The following ATP7A variants were observed in gnomAD, a reference collection of about 807,000 sequenced individuals.
The protein encoded by ATP7A is ATPase copper transporting alpha, also known as copper-transporting ATPase 1.
ATP7A carries 7 observed loss-of-function variants against 83.5 expected under a neutral mutation model. That is an observed-to-expected ratio of 0.08 (90% CI 0.05 to 0.16). ATP7A has a LOEUF of 0.16. Among genes scored for constraint, ATP7A ranks in the 10% least tolerant of loss-of-function variants. The pLI, the probability that ATP7A is intolerant of heterozygous loss-of-function variation, is 1.00. For missense variants in ATP7A, 940 were observed against 1,120.8 expected, an observed-to-expected ratio of 0.84 and a Z score of 2.30; for synonymous variants, 354 against 395.2, an observed-to-expected ratio of 0.90 and a Z score of 1.24.
At chrX:77,951,720 C>T (rs1569549091) in intron 1 of ATP7A, among the ~76,000 whole-genome samples, 1 of 110,921 alleles carries the variant, frequency 9.0e-6, no homozygotes, top group African/African-American at 3.3e-5. Context: ...GCTTGGACTA[C>T]AAGCATGCAC....
intron 15 of ATP7A, among the ~76,000 whole-genome samples, chrX:78,030,840 C>T (rs931442316): frequency 6.4e-5 from 7 of 109,068 alleles, no homozygotes; most frequent in Non-Finnish European, 1.3e-4. Flanking sequence ...TACAGGCATG[C>T]ACCACCATGC....
intron 1 of ATP7A, among the ~76,000 whole-genome samples, chrX:77,942,136 A>G (rs1240733490): frequency 1.8e-5 from 2 of 112,362 alleles, no homozygotes; most frequent in African/African-American, 3.2e-5. Context: ...ATTTTGCCCA[A>G]TGCAGATTGA....
intron 1 of ATP7A, among the ~76,000 whole-genome samples, chrX:77,935,478 T>C (rs1603372507): frequency 8.9e-6 from 1 of 112,060 alleles, no homozygotes. Context: ...AACTATTTTA[T>C]TGATGAAGTG....
intron 1 of ATP7A, among the ~76,000 whole-genome samples, chrX:77,922,638 GTTTA>G (rs1410739132): frequency 9.0e-6 from 1 of 111,482 alleles, no homozygotes; most frequent in Non-Finnish European, 1.9e-5. Context: ...CCAATTGGTT[GTTTA>G]TTTTTTATAT....
intron 1 of ATP7A, among the ~76,000 whole-genome samples, chrX:77,944,754 T>C (rs1003936030): frequency 1.4e-4 from 16 of 111,060 alleles, no homozygotes; most frequent in African/African-American, 4.6e-4. Context: ...GGCTCAAGTC[T>C]GCCAGTGAAA....
Position 78,046,311 on chromosome X carries a change from A to G in ATP7A, c.4244A>G (p.Tyr1415Cys), listed in dbSNP as rs1280037924. ...ATGTCCAGTTACAGGAAACCAACTT[A>G]CGAGAGTTATGAACTGCCTGCCCGG... ...LFLKLYRKPT[Y>C]ESYELPARSQ... The change falls in exon 23 of 23, where the codon TAC becomes TGC. Residue 1415 changes from tyrosine (Y) to cysteine (C), a missense_variant. Coordinates refer to ENST00000341514, the MANE Select transcript of ATP7A (RefSeq NM_000052.7). 3.4e-5 allele frequency: 41 copies of G among 1,210,317 alleles called. No homozygotes were observed. Among genetic ancestry groups the G allele is most frequent in the Non-Finnish European group, 4.6e-5 (41 of 895,264 alleles).
chrX:77,963,445 G>A (rs782661376), intron 1 of ATP7A: 60 of 111,935 alleles, frequency 5.4e-4, no homozygotes, highest in African/African-American at 1.8e-3. Context: ...TTTTCTTCCT[G>A]TATTTAGCAG....
intron 1 of ATP7A, chrX:77,964,557 A>T (rs1452980554): frequency 9.1e-6 from 1 of 110,336 alleles, no homozygotes; most frequent in Non-Finnish European, 1.9e-5. Context: ...TCCTAATGTT[A>T]TCCCTCGCCT....
chrX:77,982,684 G>C (rs2077611562), intron 2 of ATP7A, among the ~76,000 whole-genome samples: 1 of 112,152 alleles, frequency 8.9e-6, no homozygotes. Context: ...GGAAATTGTA[G>C]ATTATTTAGC....
At chrX:77,993,937 A>C (rs1366979089) in intron 4 of ATP7A, among the ~76,000 whole-genome samples, 1 of 111,274 alleles carries the variant, frequency 9.0e-6, no homozygotes, top group East Asian at 2.8e-4. Flanking sequence ...AAGCCATATA[A>C]ATTTATTTGA....
intron 17 of ATP7A, among the ~76,000 whole-genome samples, chrX:78,037,843 C>T (rs972638537): frequency 1.0e-4 from 11 of 109,093 alleles, no homozygotes; most frequent in East Asian, 2.9e-4. Flanking sequence ...TTTGACTACC[C>T]CAATAAATGG....
intron 1 of ATP7A, among the ~76,000 whole-genome samples, chrX:77,966,651 G>T (rs1313739411): frequency 8.9e-6 from 1 of 111,751 alleles, no homozygotes; most frequent in Non-Finnish European, 1.9e-5. Context: ...AATGGGGAGT[G>T]TTGCTAATGG....
intron 1 of ATP7A, among the ~76,000 whole-genome samples, chrX:77,927,456 A>G (rs1488745152): frequency 9.0e-6 from 1 of 111,537 alleles, no homozygotes; most frequent in African/African-American, 3.3e-5. Context: ...ATGTGTTTTT[A>G]ATGGAGATAT....
chrX:77,970,057 G>A (rs1557229450), intron 1 of ATP7A, among the ~76,000 whole-genome samples: 2 of 111,626 alleles, frequency 1.8e-5, no homozygotes, highest in African/African-American at 3.3e-5. Flanking sequence ...TCAATATGGT[G>A]TCTGGGGATG....
intron 1 of ATP7A, among the ~76,000 whole-genome samples, chrX:77,951,894 A>G (rs1557226838): frequency 8.9e-6 from 1 of 111,874 alleles, no homozygotes; most frequent in Non-Finnish European, 1.9e-5. Context: ...ACTTTTTTTA[A>G]TAGACAATTT....
intron 1 of ATP7A, among the ~76,000 whole-genome samples, chrX:77,931,553 C>T (rs1389571927): frequency 2.7e-5 from 3 of 112,376 alleles, no homozygotes; most frequent in Non-Finnish European, 5.7e-5. Context: ...GGGGTGGTGG[C>T]CGGGCAGAGG....
chrX:77,921,976 G>A (rs889566651), intron 1 of ATP7A, among the ~76,000 whole-genome samples: 11 of 110,340 alleles, frequency 1.0e-4, no homozygotes, highest in Middle Eastern at 4.2e-3. Context: ...TAAATTTTTC[G>A]TAGAGATGGG....
intron 10 of ATP7A, among the ~76,000 whole-genome samples, chrX:78,014,297 C>T (rs1481237228): frequency 2.8e-5 from 3 of 108,610 alleles, no homozygotes; most frequent in Non-Finnish European, 5.7e-5. Flanking sequence ...CCCAGCTACT[C>T]GGGAGGCTGA....
chrX:77,937,683 A>G (rs1418621109), intron 1 of ATP7A, among the ~76,000 whole-genome samples: 1 of 111,906 alleles, frequency 8.9e-6, no homozygotes, highest in African/African-American at 3.2e-5. Context: ...AAGACACCAG[A>G]TACAAAAGGC....
Sources: allele counts gnomAD v4.1 joint callset (sites outside exome capture counted in the v4.1 genomes callset), GRCh38; gene constraint gnomAD v4.1.1; transcripts MANE v1.5; gene names NCBI Gene and HGNC (gene_info 2026-07-23, HGNC 2026-07-21).